SLC9C1: variants seen among roughly 807,000 people sequenced by gnomAD.
The protein encoded by SLC9C1 is sodium/hydrogen exchanger 10.
Under a neutral mutation model 140.9 loss-of-function variants are expected in SLC9C1, and 97 were observed. The observed-to-expected ratio is 0.69, with a 90% confidence interval of 0.58 to 0.82. The LOEUF (loss-of-function observed/expected upper bound fraction) is 0.82, where lower values mean the gene tolerates loss of function less well. Among genes scored for constraint, SLC9C1 ranks in the 40% least tolerant of loss-of-function variants. SLC9C1 has a pLI of 0.00. For missense variants in SLC9C1, 1,340 were observed against 1,389.3 expected (o/e 0.96, Z 0.56); for synonymous variants, 440 against 442.6 (o/e 0.99, Z 0.07).
At chr3:112,188,594 C>T (rs1289868911) in intron 20 of SLC9C1, among the ~76,000 whole-genome samples, 1 of 152,152 alleles carries the variant, frequency 6.6e-6, no homozygotes, top group African/African-American at 2.4e-5. Context: ...CATAGTATTC[C>T]ATGGTGTATA....
intron 26 of SLC9C1, among the ~76,000 whole-genome samples, chr3:112,158,670 CTT>C (rs1054161561): frequency 6.6e-6 from 1 of 151,746 alleles, no homozygotes; most frequent in African/African-American, 2.4e-5. Flanking sequence ...TAATGGGAGA[CTT>C]TTTATTATGG....
chr3:112,179,705 T>C lies in SLC9C1; in HGVS notation c.2749-4A>G. ...AACCTGGCTTTGATTTTTCAAGCTG[T>C]TCAGGAACAAAGAAAGAGAAAAATA... is the stretch of plus-strand genomic sequence containing the variant. On this transcript the variant is annotated splice_region_variant and splice_polypyrimidine_tract_variant and intron_variant, in intron 22 of 28. Coordinates refer to ENST00000305815, the MANE Select transcript of SLC9C1 (RefSeq NM_183061.3). 1 of 1,579,850 alleles carries C rather than the reference T, an allele frequency of 6.3e-7. No individual in the cohort carries two copies.
At chr3:112,191,188 C>CT (rs1335993891) in intron 20 of SLC9C1, among the ~76,000 whole-genome samples, 1 of 152,190 alleles carries the variant, frequency 6.6e-6, no homozygotes, top group East Asian at 1.9e-4. Flanking sequence ...TATGAGGATG[C>CT]TTTTTATTTC....
At chr3:112,242,216 C>A (rs1034802855) in intron 11 of SLC9C1, among the ~76,000 whole-genome samples, 2 of 152,104 alleles carry the variant, frequency 1.3e-5, no homozygotes, top group Admixed American at 1.3e-4. Flanking sequence ...GGTCTTATAT[C>A]CAGAATCTAC....
In SLC9C1 at chr3:112,262,861, T is replaced by TAA. The variant is rs2079813516; in HGVS notation, c.1197+62_1197+63insTT. The TAA allele has an allele frequency of 8.2e-6, 10 of 1,225,520 alleles. No individual in the cohort carries two copies. The South Asian group carries it at 1.5e-4, about 18-fold the overall frequency. 75.9% of individuals were successfully genotyped at this position (1,225,520 alleles called of 1,614,324 possible). ...AGCTACCTCACTACAAAAAAACATA[T>TAA]ATTTTAAATACACAGTAATAGTTTT... On this transcript the variant is annotated intron_variant, in intron 10 of 28. Transcript: ENST00000305815.
chr3:112,243,469 G>T (rs917560663), intron 11 of SLC9C1, among the ~76,000 whole-genome samples: 1 of 152,168 alleles, frequency 6.6e-6, no homozygotes, highest in Admixed American at 6.6e-5. Flanking sequence ...TGAACATAGA[G>T]ATGGGAATAG....
chr3:112,230,020 G>A (rs1196791334), intron 13 of SLC9C1, among the ~76,000 whole-genome samples: 2 of 152,076 alleles, frequency 1.3e-5, no homozygotes, highest in Admixed American at 6.6e-5. Flanking sequence ...ACAAATGTTT[G>A]TAAAATACTC....
chr3:112,164,975 T>G (rs1018786431), intron 26 of SLC9C1, among the ~76,000 whole-genome samples: 23 of 152,204 alleles, frequency 1.5e-4, no homozygotes, highest in Non-Finnish European at 2.9e-4. Context: ...TCATTTCTTT[T>G]TATTCTTTTT....
At chr3:112,230,398 C>A (rs1167871641) in intron 13 of SLC9C1, among the ~76,000 whole-genome samples, 5 of 152,112 alleles carry the variant, frequency 3.3e-5, no homozygotes. Flanking sequence ...TATTTGCTAC[C>A]TCTGTGTTAA....
At chr3:112,287,506 G>A (rs1430895681) in intron 1 of SLC9C1, among the ~76,000 whole-genome samples, 1 of 152,094 alleles carries the variant, frequency 6.6e-6, no homozygotes, top group Non-Finnish European at 1.5e-5. Context: ...CTTAAATCAG[G>A]GAAATTGTTA....
At chr3:112,149,730 T>C (rs2074904515) in intron 28 of SLC9C1, among the ~76,000 whole-genome samples, 1 of 152,054 alleles carries the variant, frequency 6.6e-6, no homozygotes, top group Non-Finnish European at 1.5e-5. Context: ...AAGGGTTGCA[T>C]GGCTCAAGCT....
intron 1 of SLC9C1, among the ~76,000 whole-genome samples, chr3:112,290,593 T>A (rs182807947): frequency 6.6e-6 from 1 of 152,232 alleles, no homozygotes; most frequent in East Asian, 1.9e-4. Flanking sequence ...TGAGTTTAGG[T>A]CCTGAATATG....
At chr3:112,217,689 A>G in intron 14 of SLC9C1, 128 bp from the exon 15 acceptor site, 1 of 765,750 alleles carries the variant, frequency 1.3e-6, no homozygotes, top group South Asian at 2.8e-5. Flanking sequence ...TTGTGCCATG[A>G]TGGTTGGATT....
chr3:112,234,785 T>G (rs1447534745), intron 12 of SLC9C1, among the ~76,000 whole-genome samples: 3 of 152,186 alleles, frequency 2.0e-5, no homozygotes, highest in Admixed American at 2.0e-4. Flanking sequence ...ATCAGATAGT[T>G]GTAGATGTGT....
chr3:112,222,581 A>ATAAG (rs1395985187), intron 13 of SLC9C1, among the ~76,000 whole-genome samples: 1 of 152,196 alleles, frequency 6.6e-6, no homozygotes, highest in African/African-American at 2.4e-5. Flanking sequence ...TTCAGTCACC[A>ATAAG]TAAGTTTCCT....
chr3:112,188,555 G>T lies in SLC9C1; in HGVS notation c.2524-6297C>A, dbSNP rs2077584476. ...CCAGCTTCATCCATGTCCCTGCAAA[G>T]GACATGAACTCATCCTTTTTTATGG... On this transcript the variant is annotated intron_variant, in intron 20 of 28. Transcript: ENST00000305815. 2.6e-5 allele frequency among the ~76,000 whole-genome samples: 4 copies of T among 152,274 alleles called. No individual in the cohort carries two copies. The South Asian group carries it at 8.3e-4, about 32-fold the overall frequency.
rs913663591 is a variant in SLC9C1, at chr3:112,180,692, T to C, written c.2650-30A>G. ...AAGATACCACCAAATACATAAACTATAAACAACATTTTAGAAGTGGTTGGG... is the reference window on the plus strand; with the variant it reads ...AAGATACCACCAAATACATAAACTACAAACAACATTTTAGAAGTGGTTGGG... On this transcript the variant is annotated intron_variant, in intron 21 of 28. Transcript: ENST00000305815. 10 of 1,525,000 alleles carry C rather than the reference T, an allele frequency of 6.6e-6. No individual in the cohort carries two copies. The Admixed American group carries it at 1.3e-4, about 20-fold the overall frequency. The allele number at this position is 1,525,000 out of a possible 1,614,324, so 94.5% of individuals were successfully genotyped here. A position where few individuals can be genotyped will look rare whatever the true frequency, so the allele number is the denominator to read the frequency against.
chr3:112,176,165 C>A (rs2077332410), intron 23 of SLC9C1, among the ~76,000 whole-genome samples: 1 of 152,182 alleles, frequency 6.6e-6, no homozygotes, highest in Admixed American at 6.5e-5. Context: ...GTCCTCCTGA[C>A]TGGAGGGTTG....
At chr3:112,283,159 A>G (rs2080404801) in intron 2 of SLC9C1, among the ~76,000 whole-genome samples, 1 of 152,146 alleles carries the variant, frequency 6.6e-6, no homozygotes, top group Non-Finnish European at 1.5e-5. Context: ...CCTCAAGACT[A>G]TTGAAATGAG....
Sources: gnomAD v4.1 joint callset for allele counts (sites outside exome capture counted in the v4.1 genomes callset) on GRCh38, gnomAD v4.1.1 for gene constraint, MANE v1.5 for transcripts, NCBI Gene and HGNC (gene_info 2026-07-23, HGNC 2026-07-21) for gene names.